SLC39A11: variants seen among roughly 807,000 people sequenced by gnomAD.
SLC39A11 encodes the protein zinc transporter ZIP11.
Under a neutral mutation model 36.1 loss-of-function variants are expected in SLC39A11, and 33 were observed. The observed-to-expected ratio is 0.91, with a 90% CI of 0.69 to 1.22. SLC39A11 has a LOEUF of 1.22. SLC39A11 is among the 50% of genes most tolerant of loss of function. SLC39A11 has a pLI of 0.00. For missense variants in SLC39A11, 432 were observed against 430.3 expected (o/e 1.00, Z -0.03); for synonymous variants, 166 against 170.3 (o/e 0.97, Z 0.20).
chr17:72,952,295 A>G (rs530178148), intron 4 of SLC39A11, among the ~76,000 whole-genome samples: 6 of 152,220 alleles, frequency 3.9e-5, no homozygotes, highest in Admixed American at 3.9e-4. Context: ...TCCAACTCTC[A>G]ATTATTGATA....
chr17:72,658,677 G>A (rs761931426), intron 7 of SLC39A11, among the ~76,000 whole-genome samples: 21 of 152,330 alleles, frequency 1.4e-4, no homozygotes, highest in South Asian at 4.1e-4. Context: ...GTGATGTGTA[G>A]TGCCAGTCAA....
chr17:72,796,431 C>T (rs1043857031), intron 6 of SLC39A11, among the ~76,000 whole-genome samples: 1 of 152,032 alleles, frequency 6.6e-6, no homozygotes, highest in Non-Finnish European at 1.5e-5. Flanking sequence ...TTCCCAAGAC[C>T]ACTGCTACAG....
chr17:72,825,919 C>G (rs988423246), intron 6 of SLC39A11, among the ~76,000 whole-genome samples: 5 of 152,142 alleles, frequency 3.3e-5, no homozygotes, highest in African/African-American at 1.2e-4. Flanking sequence ...AAGTCACTTG[C>G]CTTGTCTCAG....
intron 7 of SLC39A11, among the ~76,000 whole-genome samples, chr17:72,658,909 G>A (rs1284621410): frequency 1.3e-5 from 2 of 152,182 alleles, no homozygotes; most frequent in South Asian, 4.1e-4. Context: ...AAAACTGCCC[G>A]AGGCTGCTGA....
At chr17:72,822,733 TTTC>T (rs2077846983) in intron 6 of SLC39A11, among the ~76,000 whole-genome samples, 1 of 150,914 alleles carries the variant, frequency 6.6e-6, no homozygotes, top group African/African-American at 2.4e-5. Context: ...CTTTCTTTTC[TTTC>T]TTTTTTTTTG....
At chr17:72,756,983 G>C (rs1486216957) in intron 6 of SLC39A11, among the ~76,000 whole-genome samples, 1 of 120,008 alleles carries the variant, frequency 8.3e-6, no homozygotes, top group Non-Finnish European at 2.0e-5. Context: ...CCCAGTCTCT[G>C]CTAGGGAAAA....
At chr17:72,952,364 C>T (rs1378703933) in intron 4 of SLC39A11, among the ~76,000 whole-genome samples, 5 of 152,206 alleles carry the variant, frequency 3.3e-5, no homozygotes, top group Non-Finnish European at 7.3e-5. Context: ...GAGGCCAGCT[C>T]GCTTTGCTAG....
chr17:72,911,069 C>T (rs1224221217), intron 5 of SLC39A11, among the ~76,000 whole-genome samples: 1 of 152,070 alleles, frequency 6.6e-6, no homozygotes. Context: ...ATATTAAAAC[C>T]CACTTATAAA....
intron 5 of SLC39A11, among the ~76,000 whole-genome samples, chr17:72,912,645 C>T (rs1001203844): frequency 7.9e-5 from 12 of 152,058 alleles, no homozygotes; most frequent in African/African-American, 2.9e-4. Context: ...CTTCAGTAGG[C>T]TGACGGAGGA....
chr17:73,011,463 G>A (rs1237052253), intron 4 of SLC39A11, among the ~76,000 whole-genome samples: 2 of 152,140 alleles, frequency 1.3e-5, no homozygotes, highest in Non-Finnish European at 2.9e-5. Flanking sequence ...CAACCTGCGT[G>A]GGATACTCTG....
intron 6 of SLC39A11, among the ~76,000 whole-genome samples, chr17:72,739,253 A>G (rs980604868): frequency 2.6e-5 from 4 of 151,484 alleles, no homozygotes; most frequent in African/African-American, 4.9e-5. Context: ...TCAGCCTCCC[A>G]AGTAGCAGGA....
At chr17:72,905,256 G>A (rs556662329) in intron 5 of SLC39A11, among the ~76,000 whole-genome samples, 2 of 145,416 alleles carry the variant, frequency 1.4e-5, no homozygotes, top group African/African-American at 5.1e-5. Context: ...GCAGTGCTTT[G>A]TGGCTGGATG....
chr17:72,650,337 G>A (rs551192576), intron 7 of SLC39A11, among the ~76,000 whole-genome samples: 7 of 152,318 alleles, frequency 4.6e-5, no homozygotes, highest in African/African-American at 7.2e-5. Flanking sequence ...AATGGGATGC[G>A]TACAAATGCA....
At chr17:72,936,222 T>C (rs1390366771) in intron 5 of SLC39A11, among the ~76,000 whole-genome samples, 3 of 151,476 alleles carry the variant, frequency 2.0e-5, no homozygotes, top group Admixed American at 6.6e-5. Flanking sequence ...AAAAAAGAAA[T>C]GACCAGGGAG....
chr17:72,733,004 A>G (rs1349089928), intron 7 of SLC39A11, among the ~76,000 whole-genome samples: 1 of 152,190 alleles, frequency 6.6e-6, no homozygotes, highest in African/African-American at 2.4e-5. Flanking sequence ...TTCCTGGACC[A>G]GTGGGTGGAG....
chr17:73,015,656 T>C (rs1379928941), intron 4 of SLC39A11, among the ~76,000 whole-genome samples: 1 of 152,134 alleles, frequency 6.6e-6, no homozygotes, highest in Non-Finnish European at 1.5e-5. Context: ...CGATCTTGGC[T>C]CACTGCAACC....
chr17:72,683,360 C>T (rs1310841249), intron 7 of SLC39A11, among the ~76,000 whole-genome samples: 2 of 143,812 alleles, frequency 1.4e-5, no homozygotes, highest in African/African-American at 2.6e-5. Flanking sequence ...TTTGGATACA[C>T]GGTCTCGCCA....
At chr17:72,897,282 T>C (rs1242252303) in intron 5 of SLC39A11, among the ~76,000 whole-genome samples, 1 of 152,154 alleles carries the variant, frequency 6.6e-6, no homozygotes, top group Non-Finnish European at 1.5e-5. Context: ...ATCTGCACTG[T>C]GCTGTCTAAT....
At chr17:73,061,581 T>C (rs1422043927) in intron 3 of SLC39A11, among the ~76,000 whole-genome samples, 1 of 152,226 alleles carries the variant, frequency 6.6e-6, no homozygotes, top group Non-Finnish European at 1.5e-5. Context: ...GGGTTATGCA[T>C]CTTAATTGGA....
Sources: gnomAD v4.1 joint callset for allele counts (sites outside exome capture counted in the v4.1 genomes callset) on GRCh38, gnomAD v4.1.1 for gene constraint, MANE v1.5 for transcripts, NCBI Gene and HGNC (gene_info 2026-07-23, HGNC 2026-07-21) for gene names.